SIGLEC6: variants seen among roughly 807,000 people sequenced by gnomAD.
SIGLEC6 encodes the protein sialic acid binding Ig like lectin 6.
SIGLEC6 carries 31 observed loss-of-function variants against 41.4 expected under a neutral mutation model. The observed-to-expected ratio is 0.75, with a 90% CI of 0.56 to 1.01. The LOEUF (loss-of-function observed/expected upper bound fraction) is 1.01, where lower values mean the gene tolerates loss of function less well. SIGLEC6 is among the 50% of genes least tolerant of loss of function. SIGLEC6 has a pLI of 0.00. For missense variants in SIGLEC6, 555 were observed against 558.6 expected (o/e 0.99, Z 0.06); for synonymous variants, 217 against 231.0 (o/e 0.94, Z 0.55).
chr19:51,525,950 C>T (rs947725711), intron 7 of SIGLEC6, among the ~76,000 whole-genome samples: 2 of 152,138 alleles, frequency 1.3e-5, no homozygotes, highest in African/African-American at 2.4e-5. Flanking sequence ...TTGGTGGAAC[C>T]TCCAGCATGC....
intron 7 of SIGLEC6, among the ~76,000 whole-genome samples, chr19:51,524,873 G>A (rs1354617668): frequency 6.6e-6 from 1 of 152,196 alleles, no homozygotes; most frequent in Non-Finnish European, 1.5e-5. Context: ...AGCCAAGGGA[G>A]GCTCCCCACG....
chr19:51,529,508 C>A, intron 5 of SIGLEC6: 1 of 599,592 alleles, frequency 1.7e-6, no homozygotes, highest in Non-Finnish European at 2.9e-6. Context: ...GGAGCCATGG[C>A]TGCTGTTCCC....
In SIGLEC6 at chr19:51,530,425, G is replaced by A; in HGVS notation, c.754+12C>T. ...TCTGGCCCTGGAGAGAACAGGACTGGCTGGTTCCTACCTGCGCTGTTTCCT... is the reference window on the plus strand; with the variant it reads ...TCTGGCCCTGGAGAGAACAGGACTGACTGGTTCCTACCTGCGCTGTTTCCT... On this transcript the variant is annotated intron_variant, in intron 4 of 7. Transcript: ENST00000425629. 5.6e-6 allele frequency: 9 copies of A among 1,613,100 alleles called. No homozygotes were observed. The highest frequency in any genetic ancestry group is 7.6e-6 in the Non-Finnish European group (9 of 1,179,116).
At position 51,525,330 on chromosome 19, in the gene SIGLEC6, G is replaced by A. The variant is rs186693037; in HGVS notation, c.1188+2417C>T. 3.2e-3 allele frequency among the ~76,000 whole-genome samples: 491 copies of A among 152,116 alleles called. 1 individual carries two copies. Among genetic ancestry groups the A allele is most frequent in the African/African-American group, 0.011 (474 of 41,498 alleles). ...AGACAAGTCTGCCATTTTTTCTGCCGCCACAGCTCCCACTCCTACTCCCCC... is the reference window on the plus strand; with the variant it reads ...AGACAAGTCTGCCATTTTTTCTGCCACCACAGCTCCCACTCCTACTCCCCC... On this transcript the variant is annotated intron_variant, in intron 7 of 7. Coordinates refer to ENST00000425629, the MANE Select transcript of SIGLEC6 (RefSeq NM_001245.7).
Position 51,531,449 on chromosome 19 carries a change from G to A in SIGLEC6, c.138C>T (p.Cys46=), listed in dbSNP as rs551360317. The A allele has an allele frequency of 6.2e-7, 1 of 1,614,048 alleles. No homozygotes were observed. Among genetic ancestry groups the A allele is most frequent in the Non-Finnish European group, 8.5e-7 (1 of 1,179,986 alleles). ...PESLTVQEGL[C]VLVPCRLPTT... is the part of the protein sequence containing the mutation. ...TGGGCAATCTGCAGGGTACGAGGAC[G>A]CACAGACCCTCCTGCACCGTCAGTG... Residue 46 remains cysteine (C), a synonymous_variant, in exon 2 of 8, where the codon TGC becomes TGT. Coordinates refer to ENST00000425629, the MANE Select transcript of SIGLEC6 (RefSeq NM_001245.7).
Position 51,531,256 on chromosome 19 carries a change from C to T in SIGLEC6, c.331G>A (p.Ala111Thr), listed in dbSNP as rs1980303134. 2.5e-6 allele frequency: 4 copies of T among 1,614,140 alleles called. No homozygotes were observed. The highest frequency in any genetic ancestry group is 3.4e-6 in the Non-Finnish European group (4 of 1,180,000). Residue 111 changes from alanine to threonine, a missense_variant, in exon 2 of 8, where the codon GCC becomes ACC. Ala to Thr is a moderately conservative substitution (Grantham distance 58, BLOSUM62 0). Transcript: ENST00000425629. ...TATGCAGCATTGTCCCTCCTCCGGG[C>T]ATCTCTGATGCTCAGGGAGCAGTTC... is the stretch of plus-strand genomic sequence containing the variant. Reference protein sequence around the residue: ...RKNCSLSIRDARRRDNAAYFF... With the variant: ...RKNCSLSIRDTRRRDNAAYFF...
At chr19:51,530,589 T>A in intron 3 of SIGLEC6, 92 bp downstream of exon 3, 1 of 1,606,460 alleles carries the variant, frequency 6.2e-7, no homozygotes. Context: ...CTCTCCTCTT[T>A]GGCAACCAGG....
chr19:51,526,246 T>C (rs1019728599), intron 7 of SIGLEC6, among the ~76,000 whole-genome samples: 1 of 151,908 alleles, frequency 6.6e-6, no homozygotes, highest in Non-Finnish European at 1.5e-5. Flanking sequence ...GCAGCCTGAG[T>C]GCCAAGTCAA....
rs1230890743 is a variant in SIGLEC6 at position 51,529,960 on chromosome 19, G to C, written c.776C>G (p.Thr259Ser). 1.9e-6 allele frequency: 3 copies of C among 1,599,350 alleles called. No homozygotes were observed. The South Asian group carries it at 3.4e-5, about 18-fold the overall frequency. ...NSAAFKILQN[T>S]SSLPVLEGQA... ...GCCCTCCAGGACAGGGAGGGACGAGGTGTTTTGCAGGATTTTGAAGGCTTT... is the reference window on the plus strand; with the variant it reads ...GCCCTCCAGGACAGGGAGGGACGAGCTGTTTTGCAGGATTTTGAAGGCTTT... The change falls in exon 5 of 8, where the codon ACC becomes AGC. Residue 259 changes from threonine to serine, a missense_variant. Thr to Ser is a moderately conservative substitution (Grantham distance 58, BLOSUM62 1). Transcript: ENST00000425629.
chr19:51,531,507 T>C lies in SIGLEC6; in HGVS notation c.80A>G (p.Gln27Arg), dbSNP rs1414053815. The C allele has an allele frequency of 1.9e-6, 3 of 1,613,746 alleles. No homozygotes were observed. In the Admixed American group the frequency reaches 5.0e-5, roughly 27 times the overall value. Residue 27 changes from glutamine (Q) to arginine (R), a missense_variant, in exon 2 of 8, where the codon CAG becomes CGG. Transcript: ENST00000425629. ...LPLLWAGALA[Q>R]ERRFQLEGPE... ...CCCCTCCAGCTGGAATCTCCGCTCC[T>C]GAGCCAGGGCCCCTATGGAGACATG...
chr19:51,528,745 G>T (rs557415771), intron 5 of SIGLEC6, among the ~76,000 whole-genome samples: 2 of 152,118 alleles, frequency 1.3e-5, no homozygotes, highest in African/African-American at 4.8e-5. Context: ...CATTTTGGGA[G>T]GCCAAGGCTA....
chr19:51,530,650 AGGGACCCGGGCGTCCTGGC>A lies in SIGLEC6; in HGVS notation c.706+12_706+30del. On this transcript the variant is annotated intron_variant, in intron 3 of 7. Coordinates refer to ENST00000425629, the MANE Select transcript of SIGLEC6 (RefSeq NM_001245.7). ...CCCTGCCCTGTCCCCCCACACCCTC[AGGGACCCGGGCGTCCTGGC>A]CCAGCACTCACAGGAGACATTGAGC... 6.2e-7 allele frequency: 1 copy of A among 1,611,090 alleles called. No homozygotes were observed. Among genetic ancestry groups the A allele is most frequent in the Non-Finnish European group, 8.5e-7 (1 of 1,178,952 alleles).
At chr19:51,523,007 G>A (rs1978543971) in intron 7 of SIGLEC6, among the ~76,000 whole-genome samples, 1 of 152,090 alleles carries the variant, frequency 6.6e-6, no homozygotes, top group South Asian at 2.1e-4. Context: ...AGGCGCAGTG[G>A]TGCATGCCTG....
intron 7 of SIGLEC6, among the ~76,000 whole-genome samples, chr19:51,521,748 C>T (rs2122303637): frequency 6.6e-6 from 1 of 152,234 alleles, no homozygotes; most frequent in South Asian, 2.1e-4. Context: ...TTGAATTATT[C>T]TTGGTCAGTT....
chr19:51,530,360 C>T (rs1980054370), intron 4 of SIGLEC6, 77 bp downstream of exon 4: 1 of 1,334,054 alleles, frequency 7.5e-7, no homozygotes, highest in Non-Finnish European at 1.1e-6. Flanking sequence ...TTAGTCCTGG[C>T]TTCTCATATT....
intron 5 of SIGLEC6, chr19:51,529,494 T>C: frequency 1.8e-6 from 1 of 567,210 alleles, no homozygotes; most frequent in Non-Finnish European, 3.1e-6. Flanking sequence ...GGGGTGACTG[T>C]GAAGGAGCCA....
intron 7 of SIGLEC6, among the ~76,000 whole-genome samples, chr19:51,524,464 G>A (rs1978855169): frequency 6.6e-6 from 1 of 152,172 alleles, no homozygotes. Flanking sequence ...CAATCACAGA[G>A]CATGATTTAA....
At chr19:51,524,588 T>C (rs1292441178) in intron 7 of SIGLEC6, among the ~76,000 whole-genome samples, 1 of 152,200 alleles carries the variant, frequency 6.6e-6, no homozygotes, top group Non-Finnish European at 1.5e-5. Flanking sequence ...ACATCCAGTA[T>C]CTTCAGAAAA....
Position 51,530,817 on chromosome 19 carries a change from C to T in SIGLEC6, c.570G>A (p.Leu190=), listed in dbSNP as rs767508034. The T allele has an allele frequency of 3.7e-6, 6 of 1,614,044 alleles. No individual in the cohort carries two copies. The highest frequency in any genetic ancestry group is 2.2e-5 in the South Asian group (2 of 91,070). Residue 190 remains leucine, a synonymous_variant, in exon 3 of 8, where the codon CTG becomes CTA. Transcript: ENST00000425629. The stretch of plus-strand genomic sequence containing the variant: ...CCGAGGACTGGGTGGTCCTGGGGCC[C>T]AGGGAGGTGGGGGCAGCTGACATCC... The part of the protein sequence containing the change: ...FSWMSAAPTS[L]GPRTTQSSVL...
Sources: gnomAD v4.1 joint callset for allele counts (sites outside exome capture counted in the v4.1 genomes callset) on GRCh38, gnomAD v4.1.1 for gene constraint, MANE v1.5 for transcripts, NCBI Gene and HGNC (gene_info 2026-07-23, HGNC 2026-07-21) for gene names.